PLCB1: variants seen among roughly 807,000 people sequenced by gnomAD.
The protein encoded by PLCB1 is 1-phosphatidylinositol 4,5-bisphosphate phosphodiesterase beta-1.
A neutral mutation model predicts 161.8 loss-of-function variants in PLCB1; 46 were observed. The ratio of observed to expected loss-of-function variants is 0.28; its 90% CI spans 0.22 to 0.36. The LOEUF (loss-of-function observed/expected upper bound fraction) is 0.36, where lower values mean the gene tolerates loss of function less well. Ranked by LOEUF, PLCB1 falls within the 10% of genes least tolerant of loss-of-function variation. PLCB1 has a pLI of 1.00. For synonymous variants in PLCB1, 517 were observed against 503.7 expected (o/e 1.03, Z -0.35); for missense variants, 1,016 against 1,472.5 (o/e 0.69, Z 5.07).
At chr20:8,213,338 C>T (rs1446292141) in intron 2 of PLCB1, among the ~76,000 whole-genome samples, 5 of 152,196 alleles carry the variant, frequency 3.3e-5, no homozygotes, top group South Asian at 2.1e-4. Flanking sequence ...CTGGCAGTGA[C>T]CAGGGTCTTC....
chr20:8,422,031 A>T (rs895290456), intron 3 of PLCB1, among the ~76,000 whole-genome samples: 2 of 152,222 alleles, frequency 1.3e-5, no homozygotes, highest in African/African-American at 4.8e-5. Flanking sequence ...GTATTTGCAC[A>T]TGCTGCCTCT....
intron 2 of PLCB1, among the ~76,000 whole-genome samples, chr20:8,162,967 C>G (rs1031544036): frequency 6.6e-6 from 1 of 152,028 alleles, no homozygotes; most frequent in South Asian, 2.1e-4. Context: ...ATATTTTAAC[C>G]CTGACATAGT....
chr20:8,708,519 G>A (rs1978817064), intron 11 of PLCB1, 151 bp from the exon 12 acceptor site: 2 of 588,470 alleles, frequency 3.4e-6, no homozygotes, highest in African/African-American at 3.8e-5. Context: ...GCACCGTCCA[G>A]CAGCCCTCAA....
At chr20:8,630,152 A>C (rs1267568647) in intron 4 of PLCB1, among the ~76,000 whole-genome samples, 1 of 143,034 alleles carries the variant, frequency 7.0e-6, no homozygotes, top group Non-Finnish European at 1.5e-5. Flanking sequence ...CCTGCACTCC[A>C]CTTGGCTCAC....
chr20:8,625,479 T>C (rs1048086265), intron 3 of PLCB1, among the ~76,000 whole-genome samples: 1 of 152,104 alleles, frequency 6.6e-6, no homozygotes, highest in African/African-American at 2.4e-5. Flanking sequence ...ATGAAATAAA[T>C]GAAGAAAAGA....
At chr20:8,176,410 A>G (rs577889831) in intron 2 of PLCB1, among the ~76,000 whole-genome samples, 66 of 152,316 alleles carry the variant, frequency 4.3e-4, no homozygotes, top group African/African-American at 1.3e-3. Flanking sequence ...GTATGATTCC[A>G]TTTATATAAG....
intron 31 of PLCB1, among the ~76,000 whole-genome samples, chr20:8,790,778 T>C (rs1242810095): frequency 6.6e-6 from 1 of 152,192 alleles, no homozygotes; most frequent in Non-Finnish European, 1.5e-5. Context: ...TTTAAAATTA[T>C]CTTATGTTCA....
chr20:8,182,079 C>T (rs946228955), intron 2 of PLCB1, among the ~76,000 whole-genome samples: 5 of 152,174 alleles, frequency 3.3e-5, no homozygotes, highest in African/African-American at 1.2e-4. Context: ...CCCTGTAAGA[C>T]ACAGGGGCAA....
chr20:8,286,995 A>T (rs944811103), intron 2 of PLCB1, among the ~76,000 whole-genome samples: 1 of 152,124 alleles, frequency 6.6e-6, no homozygotes. Flanking sequence ...AAATTCTCAT[A>T]TCCAAATTTT....
chr20:8,315,535 C>T (rs1449199864), intron 2 of PLCB1, among the ~76,000 whole-genome samples: 1 of 152,144 alleles, frequency 6.6e-6, no homozygotes, highest in Non-Finnish European at 1.5e-5. Context: ...GAAGTGTAAC[C>T]TTGGCCAAAA....
chr20:8,296,504 G>A (rs1378313954), intron 2 of PLCB1, among the ~76,000 whole-genome samples: 1 of 152,128 alleles, frequency 6.6e-6, no homozygotes, highest in Non-Finnish European at 1.5e-5. Flanking sequence ...TATTGGCCTA[G>A]GCAATGTCTT....
intron 2 of PLCB1, among the ~76,000 whole-genome samples, chr20:8,182,375 G>A (rs2051853142): frequency 6.6e-6 from 1 of 152,060 alleles, no homozygotes; most frequent in Admixed American, 6.5e-5. Context: ...TAGAAGTGAT[G>A]GTGTGTCATA....
chr20:8,512,676 C>A lies in PLCB1; in HGVS notation c.247-115618C>A, dbSNP rs376215467. ...ATTGTACATTGGGTACAATCTGTAC[C>A]CTCATAATACAAATTGTACCCCAAT... On this transcript the variant is annotated intron_variant, in intron 3 of 31. Coordinates refer to ENST00000338037, the MANE Select transcript of PLCB1 (RefSeq NM_015192.4). Among the ~76,000 whole-genome samples the A allele has an allele frequency of 1.6e-4, 24 of 151,506 alleles. 1 individual carries two copies. Among genetic ancestry groups the A allele is most frequent in the East Asian group, 1.4e-3 (7 of 5,146 alleles).
intron 2 of PLCB1, among the ~76,000 whole-genome samples, chr20:8,187,852 T>G (rs2051922751): frequency 6.6e-6 from 1 of 152,098 alleles, no homozygotes; most frequent in Admixed American, 6.6e-5. Context: ...TTGGTGGTGG[T>G]GGTGGTGGTG....
chr20:8,177,209 T>A (rs1049127533), intron 2 of PLCB1, among the ~76,000 whole-genome samples: 31 of 152,142 alleles, frequency 2.0e-4, no homozygotes, highest in African/African-American at 6.8e-4. Flanking sequence ...AGCTCTGCCC[T>A]CATGAATGGG....
chr20:8,278,366 A>G (rs1982697610), intron 2 of PLCB1, among the ~76,000 whole-genome samples: 1 of 118,618 alleles, frequency 8.4e-6, no homozygotes, highest in Non-Finnish European at 1.7e-5. Flanking sequence ...ATATATATAT[A>G]TTTGAATTAG....
intron 3 of PLCB1, among the ~76,000 whole-genome samples, chr20:8,519,513 C>G (rs1984266860): frequency 6.6e-6 from 1 of 152,116 alleles, no homozygotes; most frequent in African/African-American, 2.4e-5. Context: ...CCTGCCTGCT[C>G]TCTCTCCCCC....
At chr20:8,810,700 A>G (rs549951934) in intron 31 of PLCB1, among the ~76,000 whole-genome samples, 85 of 152,306 alleles carry the variant, frequency 5.6e-4, no homozygotes, top group Non-Finnish European at 1.5e-5. Context: ...ATGGTGGCTC[A>G]TGCTTATAAT....
At chr20:8,271,462 T>C (rs947961283) in intron 2 of PLCB1, among the ~76,000 whole-genome samples, 8 of 152,126 alleles carry the variant, frequency 5.3e-5, no homozygotes, top group Non-Finnish European at 8.8e-5. Context: ...AAAACCAGGT[T>C]AAATTTATTT....
Sources: allele counts gnomAD v4.1 joint callset (sites outside exome capture counted in the v4.1 genomes callset), GRCh38; gene constraint gnomAD v4.1.1; transcripts MANE v1.5; gene names NCBI Gene and HGNC (gene_info 2026-07-23, HGNC 2026-07-21).